The following JAKMIP1 variants were observed in gnomAD, a reference collection of about 807,000 sequenced individuals.
The protein encoded by JAKMIP1 is janus kinase and microtubule-interacting protein 1.
A neutral mutation model predicts 113.0 loss-of-function variants in JAKMIP1; 33 were observed. The observed-to-expected ratio is 0.29, with a 90% confidence interval of 0.22 to 0.39. The LOEUF (loss-of-function observed/expected upper bound fraction) is 0.39, where lower values mean the gene tolerates loss of function less well. Ranked by LOEUF, JAKMIP1 falls within the 10% of genes least tolerant of loss-of-function variation. JAKMIP1 has a pLI of 1.00. For synonymous variants in JAKMIP1, 480 were observed against 459.9 expected (o/e 1.04, Z -0.56); for missense variants, 813 against 1,080.5 (o/e 0.75, Z 3.47).
rs773008094 is a variant in JAKMIP1 at position 6,097,293 on chromosome 4, C to T, written c.624+8180G>A. On this transcript the variant is annotated intron_variant, in intron 3 of 20. Coordinates refer to ENST00000409021, the MANE Select transcript of JAKMIP1 (RefSeq NM_001099433.2). This position sits in a 1 kb window ranked among gnomAD's most constrained non-coding sequence, Gnocchi z 4.3. ...ATTACAGTCATGAGCCATCTCGCCCCGTTCTGACTCTGAATTTATATGCTA... is the reference window on the plus strand; with the variant it reads ...ATTACAGTCATGAGCCATCTCGCCCTGTTCTGACTCTGAATTTATATGCTA... Among the ~76,000 whole-genome samples, 3 of 152,190 alleles carry T rather than the reference C, an allele frequency of 2.0e-5. No homozygotes were observed. Among genetic ancestry groups the T allele is most frequent in the African/African-American group, 2.4e-5 (1 of 41,438 alleles).
At chr4:6,127,543 C>T (rs1269261939) in intron 1 of JAKMIP1, among the ~76,000 whole-genome samples, 1 of 152,184 alleles carries the variant, frequency 6.6e-6, no homozygotes, top group Non-Finnish European at 1.5e-5. Context: ...CTCACTGGCA[C>T]GTTGGTGAGG....
chr4:6,105,896 G>A lies in JAKMIP1; in HGVS notation c.201C>T (p.Ala67=). The change falls in exon 3 of 21, where the codon GCC becomes GCT. Residue 67 remains alanine, a synonymous_variant. Transcript: ENST00000409021. ...EREQEQRRHT[A]YISELKAKLH... ...GCTTGGCCTTGAGCTCCGAAATGTA[G>A]GCCGTGTGCCGTCGCTGCTCCTGCT... 6.2e-7 allele frequency: 1 copy of A among 1,611,812 alleles called. No individual in the cohort carries two copies. The highest frequency in any genetic ancestry group is 8.5e-7 in the Non-Finnish European group (1 of 1,179,716).
At position 6,048,621 on chromosome 4, in the gene JAKMIP1, G is replaced by C. The variant is rs193254356; in HGVS notation, c.2028+236C>G. ...AACCACTGGAAGGAAATACACAAAA[G>C]TGACAGACTGTTTCCTCCACCGGGT... On this transcript the variant is annotated intron_variant, in intron 16 of 20. Coordinates refer to ENST00000409021, the MANE Select transcript of JAKMIP1 (RefSeq NM_001099433.2). 7.9e-5 allele frequency among the ~76,000 whole-genome samples: 12 copies of C among 152,350 alleles called. No individual in the cohort carries two copies. The East Asian group carries it at 2.3e-3, about 29-fold the overall frequency.
At position 6,185,194 on chromosome 4, in the gene JAKMIP1, T is replaced by A. The variant is rs994448718; in HGVS notation, c.-148+15059A>T. Among the ~76,000 whole-genome samples, 1 of 152,244 alleles carries A rather than the reference T, an allele frequency of 6.6e-6. No individual in the cohort carries two copies. The highest frequency in any genetic ancestry group is 1.5e-5 in the Non-Finnish European group (1 of 68,036). On this transcript the variant is annotated intron_variant, in intron 1 of 20. Transcript: ENST00000409021. This position sits in a 1 kb window ranked among gnomAD's most constrained non-coding sequence, Gnocchi z 5.3. ...TGTGGGGCTTCACCTTGTGATCTTG[T>A]GAGTCAATTATCCCAATAAACTTCC...
Position 6,078,979 on chromosome 4 carries a change from C to T in JAKMIP1, c.1262G>A (p.Arg421His), listed in dbSNP as rs751046894. The T allele has an allele frequency of 3.2e-5, 52 of 1,614,014 alleles. No homozygotes were observed. Among genetic ancestry groups the T allele is most frequent in the Non-Finnish European group, 3.8e-5 (45 of 1,180,032 alleles). Residue 421 changes from arginine to histidine, a missense_variant, in exon 8 of 21, where the codon CGC (arginine) becomes CAC (histidine). This residue lies in a region of JAKMIP1 where 540 missense variants were observed against 653.9 expected (regional missense o/e 0.83). Coordinates refer to ENST00000409021, the MANE Select transcript of JAKMIP1 (RefSeq NM_001099433.2). ...ACTTTTCCCTCGATGCCTTTTGGAG[C>T]GCAACAGCCGTTCTCTCTCCTAGAA... Reference protein sequence around the residue: ...DLSLERERLLRSKRHRGKSLK... With the variant: ...DLSLERERLLHSKRHRGKSLK...
chr4:6,113,388 G>A (rs891816019), intron 1 of JAKMIP1, among the ~76,000 whole-genome samples: 5 of 152,186 alleles, frequency 3.3e-5, no homozygotes, highest in African/African-American at 1.2e-4. Context: ...AGGGCCCTGG[G>A]CCTCATCCAG....
At chr4:6,125,560 T>C (rs1480479551) in intron 1 of JAKMIP1, among the ~76,000 whole-genome samples, 2 of 150,250 alleles carry the variant, frequency 1.3e-5, no homozygotes. Context: ...GCAGGTACCA[T>C]ACAGAAACAC....
rs750235192 is a variant in JAKMIP1 at position 6,040,734 on chromosome 4, G to A, written c.2098-18C>T. 1.9e-5 allele frequency: 30 copies of A among 1,602,528 alleles called. No individual in the cohort carries two copies. Among genetic ancestry groups the A allele is most frequent in the Middle Eastern group, 1.7e-4 (1 of 5,998 alleles). On this transcript the variant is annotated intron_variant, in intron 17 of 20. Transcript: ENST00000409021. This position sits in a 1 kb window ranked among gnomAD's most constrained non-coding sequence, Gnocchi z 5.8. ...AACAGGTCCTGAGAAAGAGGGAGGC[G>A]CCATCAGGGACCAGCGTCAGAACAG... is the stretch of plus-strand genomic sequence containing the variant.
In JAKMIP1 at chr4:6,162,621, C is replaced by A. The variant is rs186329496; in HGVS notation, c.-148+37632G>T. Among the ~76,000 whole-genome samples, 2 of 152,228 alleles carry A rather than the reference C, an allele frequency of 1.3e-5. No homozygotes were observed. The highest frequency in any genetic ancestry group is 2.9e-5 in the Non-Finnish European group (2 of 68,040). On this transcript the variant is annotated intron_variant, in intron 1 of 20. Coordinates refer to ENST00000409021, the MANE Select transcript of JAKMIP1 (RefSeq NM_001099433.2). The surrounding 1 kb of genome is among the most constrained non-coding windows in gnomAD (Gnocchi z 5.6). ...GCACCATCTCGTTCAACCTGCCAAG[C>A]TCAGTGTGGCACTGCCCATCTGTTA...
At position 6,094,898 on chromosome 4, in the gene JAKMIP1, T is replaced by G. The variant is rs1722594040; in HGVS notation, c.625-9269A>C. 1.3e-5 allele frequency among the ~76,000 whole-genome samples: 2 copies of G among 151,930 alleles called. No homozygotes were observed. Among genetic ancestry groups the G allele is most frequent in the Non-Finnish European group, 2.9e-5 (2 of 67,980 alleles). ...ATTCAGGAGGCTGAGGTGGGAGGAT[T>G]GCTTGAGCCTGGAAGGTAGAGGCTG... On this transcript the variant is annotated intron_variant, in intron 3 of 20. Coordinates refer to ENST00000409021, the MANE Select transcript of JAKMIP1 (RefSeq NM_001099433.2). The surrounding 1 kb of genome is among the most constrained non-coding windows in gnomAD (Gnocchi z 4.2).
intron 3 of JAKMIP1, among the ~76,000 whole-genome samples, chr4:6,104,928 G>A: frequency 6.6e-6 from 1 of 152,166 alleles, no homozygotes; most frequent in East Asian, 1.9e-4. Context: ...CCAATCCTCA[G>A]CCCGCACCCA....
chr4:6,164,546 T>C (rs1201786815), intron 1 of JAKMIP1, among the ~76,000 whole-genome samples: 1 of 152,204 alleles, frequency 6.6e-6, no homozygotes, highest in African/African-American at 2.4e-5. Flanking sequence ...ATTTAAGAAA[T>C]ATATTTTGTG....
Position 6,137,352 on chromosome 4 carries a change from G to A in JAKMIP1, c.-147-24355C>T, listed in dbSNP as rs1207640932. On this transcript the variant is annotated intron_variant, in intron 1 of 20. Coordinates refer to ENST00000409021, the MANE Select transcript of JAKMIP1 (RefSeq NM_001099433.2). The surrounding 1 kb of genome is among the most constrained non-coding windows in gnomAD (Gnocchi z 4.5). ...TGGCATTTTCCTAACAGACGGATCA[G>A]CTTTAGACGGCACTGTTCCCGTACC... Among the ~76,000 whole-genome samples, 1 of 152,238 alleles carries A rather than the reference G, an allele frequency of 6.6e-6. No individual in the cohort carries two copies. Among genetic ancestry groups the A allele is most frequent in the Non-Finnish European group, 1.5e-5 (1 of 68,052 alleles).
In JAKMIP1 at chr4:6,181,548, C is replaced by T. The variant is rs1302622809; in HGVS notation, c.-148+18705G>A. Among the ~76,000 whole-genome samples the T allele has an allele frequency of 6.6e-6, 1 of 152,150 alleles. No homozygotes were observed. Among genetic ancestry groups the T allele is most frequent in the African/African-American group, 2.4e-5 (1 of 41,428 alleles). On this transcript the variant is annotated intron_variant, in intron 1 of 20. Coordinates refer to ENST00000409021, the MANE Select transcript of JAKMIP1 (RefSeq NM_001099433.2). This position sits in a 1 kb window ranked among gnomAD's most constrained non-coding sequence, Gnocchi z 5.4. The stretch of plus-strand genomic sequence containing the variant: ...ACACTGTAACAAGCCCAGGTGATAA[C>T]TGGGAGACCAGGGCCTATGGGTGCC...
chr4:6,073,718 G>A (rs1719296452), intron 8 of JAKMIP1, among the ~76,000 whole-genome samples: 1 of 152,226 alleles, frequency 6.6e-6, no homozygotes, highest in Non-Finnish European at 1.5e-5. Flanking sequence ...ATCAAACTGA[G>A]GTTCTGAGCG....
At chr4:6,037,133 G>A (rs948256521) in intron 18 of JAKMIP1, among the ~76,000 whole-genome samples, 11 of 144,240 alleles carry the variant, frequency 7.6e-5, no homozygotes, top group Non-Finnish European at 1.5e-4. Context: ...CCATCACTGA[G>A]TCAGAGGTTA....
chr4:6,084,024 A>G (rs1025668746), intron 5 of JAKMIP1, among the ~76,000 whole-genome samples: 1 of 152,218 alleles, frequency 6.6e-6, no homozygotes, highest in African/African-American at 2.4e-5. Flanking sequence ...ACCACCTAAA[A>G]GAATAACTTC....
intron 5 of JAKMIP1, among the ~76,000 whole-genome samples, chr4:6,083,810 C>T (rs1720918061): frequency 6.6e-6 from 1 of 151,860 alleles, no homozygotes; most frequent in Non-Finnish European, 1.5e-5. Context: ...TATCAACTGC[C>T]ATTACATAAA....
At chr4:6,160,230 G>A (rs2109000547) in intron 1 of JAKMIP1, among the ~76,000 whole-genome samples, 1 of 152,290 alleles carries the variant, frequency 6.6e-6, no homozygotes, top group South Asian at 2.1e-4. Context: ...AAGTCAAAAT[G>A]TCAGGTATGA....
Sources: allele counts gnomAD v4.1 joint callset (sites outside exome capture counted in the v4.1 genomes callset), GRCh38; gene constraint gnomAD v4.1.1; regional missense constraint gnomAD v4.1.1; non-coding constraint Gnocchi (gnomAD v3.1); transcripts MANE v1.5; gene names NCBI Gene and HGNC (gene_info 2026-07-23, HGNC 2026-07-21).